The following LRP1B variants were observed in gnomAD, a reference collection of about 807,000 sequenced individuals.
LRP1B encodes LDL receptor related protein 1B.
In LRP1B, 217 loss-of-function variants were observed where a neutral mutation model predicts 556.6. The observed-to-expected ratio is 0.39, with a 90% CI of 0.35 to 0.44. The LOEUF is 0.44. Ranked by LOEUF, LRP1B falls within the 20% of genes least tolerant of loss-of-function variation. The probability of loss-of-function intolerance (pLI) is 1.00; values close to 1 mark genes in which losing one functional copy is unlikely to be tolerated. For missense variants in LRP1B, 5,053 were observed against 5,620.8 expected, an observed-to-expected ratio of 0.90 and a Z score of 3.23; for synonymous variants, 2,047 against 1,865.8, an observed-to-expected ratio of 1.10 and a Z score of -2.50.
chr2:140,690,430 C>T (rs1559056907), intron 41 of LRP1B, among the ~76,000 whole-genome samples: 1 of 151,762 alleles, frequency 6.6e-6, no homozygotes, highest in Non-Finnish European at 1.5e-5. Context: ...CAAAGATTAA[C>T]ATCAAAGAAA....
At chr2:140,696,973 A>G (rs1400687575) in intron 41 of LRP1B, among the ~76,000 whole-genome samples, 3 of 152,166 alleles carry the variant, frequency 2.0e-5, no homozygotes, top group African/African-American at 7.2e-5. Context: ...CTTTCTCATA[A>G]AATTTTCATA....
intron 2 of LRP1B, among the ~76,000 whole-genome samples, chr2:141,527,811 A>AT (rs1684739801): frequency 6.6e-6 from 1 of 152,154 alleles, no homozygotes; most frequent in Admixed American, 6.6e-5. Flanking sequence ...TTTCTAAAAT[A>AT]TACTACAGAG....
intron 7 of LRP1B, among the ~76,000 whole-genome samples, chr2:141,099,789 T>C (rs770380412): frequency 6.6e-6 from 1 of 152,124 alleles, no homozygotes; most frequent in Non-Finnish European, 1.5e-5. Flanking sequence ...GGAAATCTGG[T>C]GTATTGATAT....
intron 1 of LRP1B, among the ~76,000 whole-genome samples, chr2:141,870,911 C>G (rs1255603376): frequency 6.6e-6 from 1 of 151,900 alleles, no homozygotes; most frequent in African/African-American, 2.4e-5. Flanking sequence ...AAATATCTCA[C>G]TTTTGCCTTC....
chr2:140,704,812 G>A (rs908368893), intron 37 of LRP1B, among the ~76,000 whole-genome samples: 2 of 152,018 alleles, frequency 1.3e-5, no homozygotes, highest in Non-Finnish European at 2.9e-5. Flanking sequence ...AAAGAAATGT[G>A]CATATTAAAG....
At chr2:141,115,560 C>A (rs1055601914) in intron 7 of LRP1B, among the ~76,000 whole-genome samples, 11 of 150,144 alleles carry the variant, frequency 7.3e-5, no homozygotes, top group African/African-American at 2.5e-4. Flanking sequence ...GAGTTCACGC[C>A]ATTCTCCTGC....
intron 2 of LRP1B, among the ~76,000 whole-genome samples, chr2:141,588,050 G>A (rs375514647): frequency 1.3e-5 from 2 of 152,050 alleles, no homozygotes; most frequent in East Asian, 3.8e-4. Flanking sequence ...CTCAAGTTGG[G>A]CTTATCTTGG....
intron 82 of LRP1B, among the ~76,000 whole-genome samples, chr2:140,315,900 G>T (rs1015504417): frequency 6.6e-6 from 1 of 152,030 alleles, no homozygotes; most frequent in Non-Finnish European, 1.5e-5. Flanking sequence ...ATTGAGATTT[G>T]GTACAAGTTG....
chr2:140,700,782 T>C (rs1444136538), intron 40 of LRP1B, among the ~76,000 whole-genome samples, 161 bp from the exon 41 acceptor site: 1 of 152,160 alleles, frequency 6.6e-6, no homozygotes, highest in Non-Finnish European at 1.5e-5. Flanking sequence ...GTATTGTTTT[T>C]TAAAAAATCA....
intron 3 of LRP1B, among the ~76,000 whole-genome samples, chr2:141,407,992 T>G (rs895804872): frequency 6.6e-6 from 1 of 152,150 alleles, no homozygotes; most frequent in African/African-American, 2.4e-5. Flanking sequence ...TAGTCACACA[T>G]TCTAGCATCC....
intron 3 of LRP1B, among the ~76,000 whole-genome samples, chr2:141,363,426 T>G (rs1688908624): frequency 1.3e-5 from 2 of 150,730 alleles, no homozygotes; most frequent in South Asian, 4.2e-4. Context: ...TTAATGACAC[T>G]TAGAACATTC....
intron 2 of LRP1B, among the ~76,000 whole-genome samples, chr2:141,743,351 T>C (rs1693781836): frequency 6.6e-6 from 1 of 152,142 alleles, no homozygotes; most frequent in African/African-American, 2.4e-5. Context: ...TTGTTGAGGA[T>C]TTTTGCATGA....
At chr2:141,249,872 T>A (rs188690811) in intron 4 of LRP1B, among the ~76,000 whole-genome samples, 1 of 152,120 alleles carries the variant, frequency 6.6e-6, no homozygotes, top group East Asian at 1.9e-4. Flanking sequence ...AGACTGATCT[T>A]AAATGGAACT....
At position 140,787,558 on chromosome 2, in the gene LRP1B, A is replaced by ATTTTTTTTTTTTTTT. The variant is rs756825067; in HGVS notation, c.5360-11335_5360-11321dup. On this transcript the variant is annotated intron_variant, in intron 32 of 90. Transcript: ENST00000389484. Reference sequence around the variant, plus strand: ...CCTATCTTCCTGTTTAAAACAGAAGATTTTTTTTTTTTTTTTTTTTTTTTT... The same window carrying ATTTTTTTTTTTTTTT: ...CCTATCTTCCTGTTTAAAACAGAAGATTTTTTTTTTTTTTTTTTTTTTTTTTTTTTTTTTTTTTTT... 3.1e-4 allele frequency among the ~76,000 whole-genome samples: 14 copies of ATTTTTTTTTTTTTTT among 44,660 alleles called. 1 individual carries two copies. In the East Asian group the frequency reaches 3.5e-3, roughly 11 times the overall value. 29.3% of individuals were successfully genotyped at this position (44,660 alleles called of 152,430 possible). A position where few individuals can be genotyped will look rare whatever the true frequency, so the allele number is the denominator to read the frequency against.
intron 1 of LRP1B, among the ~76,000 whole-genome samples, chr2:141,873,807 A>T (rs983986195): frequency 1.3e-5 from 2 of 151,882 alleles, no homozygotes; most frequent in Non-Finnish European, 2.9e-5. Flanking sequence ...AGGTTAAAAA[A>T]AAAAAGATTT....
rs532566328 is a variant in LRP1B, at chr2:141,511,106, A to G, written c.206-30573T>C. Among the ~76,000 whole-genome samples, 43 of 152,140 alleles carry G rather than the reference A, an allele frequency of 2.8e-4. 1 individual carries two copies. The highest frequency in any genetic ancestry group is 5.9e-4 in the Non-Finnish European group (40 of 68,026). On this transcript the variant is annotated intron_variant, in intron 2 of 90. Transcript: ENST00000389484. ...CCCAAGGTTCAAGGTTTCCTCTACTACACAGCATAGAGCTGTCGTGCCCTC... is the reference window on the plus strand; with the variant it reads ...CCCAAGGTTCAAGGTTTCCTCTACTGCACAGCATAGAGCTGTCGTGCCCTC...
At chr2:142,051,619 G>A (rs1012000084) in intron 1 of LRP1B, among the ~76,000 whole-genome samples, 7 of 151,888 alleles carry the variant, frequency 4.6e-5, no homozygotes, top group African/African-American at 1.5e-4. Flanking sequence ...TGGGACTATA[G>A]GCACCCACCT....
chr2:140,702,564 A>T lies in LRP1B; in HGVS notation c.6024-11T>A, dbSNP rs2105431045. 6.2e-7 allele frequency: 1 copy of T among 1,611,806 alleles called. No individual in the cohort carries two copies. Among genetic ancestry groups the T allele is most frequent in the Non-Finnish European group, 8.5e-7 (1 of 1,178,398 alleles). ...GTCCAGAACAAGAGGCTGAAATTAA[A>T]TTGTTAATTTGTAGTGTTTATGTAC... On this transcript the variant is annotated splice_polypyrimidine_tract_variant and intron_variant, in intron 37 of 90. Transcript: ENST00000389484.
chr2:141,788,689 C>T (rs535616188), intron 2 of LRP1B, among the ~76,000 whole-genome samples: 3 of 150,002 alleles, frequency 2.0e-5, no homozygotes, highest in Middle Eastern at 3.4e-3. Flanking sequence ...CCCTTCCCCC[C>T]ACCCCCACCC....
Sources: allele counts gnomAD v4.1 joint callset (sites outside exome capture counted in the v4.1 genomes callset), GRCh38; gene constraint gnomAD v4.1.1; transcripts MANE v1.5; gene names NCBI Gene and HGNC (gene_info 2026-07-23, HGNC 2026-07-21).